FBXO11: variants seen among roughly 807,000 people sequenced by gnomAD.
The protein encoded by FBXO11 is F-box protein 11.
In FBXO11, 13 loss-of-function variants were observed where a neutral mutation model predicts 117.0. The observed-to-expected ratio is 0.11, with a 90% CI of 0.07 to 0.18. The LOEUF (loss-of-function observed/expected upper bound fraction) is 0.18, where lower values mean the gene tolerates loss of function less well. FBXO11 is among the 10% of genes least tolerant of loss of function. FBXO11 has a pLI of 1.00. For missense variants in FBXO11, 767 were observed against 1,164.4 expected (o/e 0.66, Z 4.97); for synonymous variants, 490 against 380.5 (o/e 1.29, Z -3.35).
intron 1 of FBXO11, among the ~76,000 whole-genome samples, chr2:47,899,065 G>C (rs541170578): frequency 6.6e-6 from 1 of 152,024 alleles, no homozygotes; most frequent in Non-Finnish European, 1.5e-5. Flanking sequence ...ACGAGGTCAG[G>C]AGATCGAGAC....
intron 1 of FBXO11, among the ~76,000 whole-genome samples, chr2:47,870,130 C>T (rs182722469): frequency 2.4e-3 from 370 of 152,344 alleles, no homozygotes; most frequent in Non-Finnish European, 4.8e-3. Context: ...TTCATCTGTA[C>T]CATCAGCTCT....
At chr2:47,889,217 T>C (rs1677087149) in intron 1 of FBXO11, among the ~76,000 whole-genome samples, 1 of 152,234 alleles carries the variant, frequency 6.6e-6, no homozygotes. Context: ...TCCGGTTATG[T>C]TGCTTTTCTT....
At chr2:47,857,874 A>G (rs1674433695) in intron 1 of FBXO11, among the ~76,000 whole-genome samples, 1 of 152,178 alleles carries the variant, frequency 6.6e-6, no homozygotes, top group Non-Finnish European at 1.5e-5. Flanking sequence ...GAAATACAAG[A>G]ATCATAAGGC....
chr2:47,862,329 A>G (rs1158131772), intron 1 of FBXO11, among the ~76,000 whole-genome samples: 5 of 152,248 alleles, frequency 3.3e-5, no homozygotes, highest in African/African-American at 7.2e-5. Context: ...CAGGGTTGAA[A>G]GCCATTGGGA....
At chr2:47,829,486 C>T (rs1378378224) in intron 11 of FBXO11, among the ~76,000 whole-genome samples, 1 of 152,038 alleles carries the variant, frequency 6.6e-6, no homozygotes, top group Non-Finnish European at 1.5e-5. Flanking sequence ...GGTGATCTGC[C>T]TGCTCGGCCT....
chr2:47,887,810 G>A (rs1676975598), intron 1 of FBXO11, among the ~76,000 whole-genome samples: 1 of 152,128 alleles, frequency 6.6e-6, no homozygotes, highest in Non-Finnish European at 1.5e-5. Flanking sequence ...GCAATGAGCC[G>A]AGATTGTGCT....
At position 47,832,482 on chromosome 2, in the gene FBXO11, A is replaced by G. The variant is rs748431980; in HGVS notation, c.1265T>C (p.Ile422Thr). 5.6e-6 allele frequency: 9 copies of G among 1,612,898 alleles called. No homozygotes were observed. Among genetic ancestry groups the G allele is most frequent in the Non-Finnish European group, 7.6e-6 (9 of 1,179,560 alleles). Residue 422 changes from isoleucine to threonine, a missense_variant, in exon 11 of 23, where the codon ATA becomes ACA. Ile to Thr is a moderately conservative substitution (Grantham distance 89). Around this residue, in one of 10 missense-constraint regions of FBXO11, gnomAD observed 33 missense variants for 66.1 expected, o/e 0.50. Transcript: ENST00000403359. ...ATTGGAAATTTCATTATCCTCATAT[A>G]TTCCCTACAACAAGTTATCAGAAAC... ...GLYITDHAQGIYEDNEISNNA... is the reference protein window; with the variant it reads ...GLYITDHAQGTYEDNEISNNA...
At chr2:47,898,208 C>G (rs1262541149) in intron 1 of FBXO11, among the ~76,000 whole-genome samples, 1 of 152,148 alleles carries the variant, frequency 6.6e-6, no homozygotes, top group Admixed American at 6.5e-5. Flanking sequence ...CATTCATTTT[C>G]AAAGGAAAAT....
At chr2:47,904,872 A>G (rs930256211) in intron 1 of FBXO11, among the ~76,000 whole-genome samples, 1 of 152,074 alleles carries the variant, frequency 6.6e-6, no homozygotes, top group Non-Finnish European at 1.5e-5. Flanking sequence ...ACTGCGCAGC[A>G]AACACTGTGG....
At chr2:47,817,912 C>T (rs1671118704) in intron 16 of FBXO11, among the ~76,000 whole-genome samples, 1 of 152,216 alleles carries the variant, frequency 6.6e-6, no homozygotes, top group African/African-American at 2.4e-5. Flanking sequence ...CTTTGGGAGG[C>T]TGAGGCGGGT....
chr2:47,818,515 A>T (rs1367155349), intron 16 of FBXO11: 11 of 341,982 alleles, frequency 3.2e-5, no homozygotes, highest in Non-Finnish European at 4.2e-5. Flanking sequence ...ATGAAGGATC[A>T]TATTGGCAGC....
At chr2:47,852,495 C>A (rs765230275) in intron 1 of FBXO11, among the ~76,000 whole-genome samples, 13 of 152,138 alleles carry the variant, frequency 8.5e-5, no homozygotes, top group Admixed American at 4.6e-4. Flanking sequence ...ACAGGCAGTT[C>A]AGGCCATTAA....
intron 1 of FBXO11, among the ~76,000 whole-genome samples, chr2:47,859,281 T>A (rs1169785868): frequency 6.6e-6 from 1 of 151,762 alleles, no homozygotes; most frequent in East Asian, 1.9e-4. Context: ...TCATCCAGAG[T>A]TCAAAATATT....
chr2:47,900,792 A>G (rs1210318505), intron 1 of FBXO11, among the ~76,000 whole-genome samples: 1 of 87,154 alleles, frequency 1.1e-5, no homozygotes, highest in Non-Finnish European at 2.6e-5. Flanking sequence ...ACACACGTGT[A>G]TATATATACA....
intron 16 of FBXO11, 44 bp downstream of exon 16, chr2:47,818,735 T>TC: frequency 7.1e-7 from 1 of 1,415,316 alleles, no homozygotes; most frequent in Non-Finnish European, 9.7e-7. Context: ...CCCCACATAC[T>TC]CCTAACTCCC....
At chr2:47,883,413 A>G (rs1478274651) in intron 1 of FBXO11, 2 of 354,740 alleles carry the variant, frequency 5.6e-6, no homozygotes, top group East Asian at 1.5e-4. Flanking sequence ...CCCTAATCTA[A>G]CTCATCTCTT....
chr2:47,851,279 T>A (rs1572844924), intron 1 of FBXO11, among the ~76,000 whole-genome samples: 1 of 152,152 alleles, frequency 6.6e-6, no homozygotes, highest in Non-Finnish European at 1.5e-5. Flanking sequence ...CAGGCTGGAG[T>A]GCAGTGGTGT....
intron 1 of FBXO11, among the ~76,000 whole-genome samples, chr2:47,846,393 G>T (rs552260065): frequency 4.4e-4 from 67 of 152,282 alleles, no homozygotes; most frequent in Non-Finnish European, 7.5e-4. Context: ...CTTGAACCTG[G>T]AAGAAGGCGG....
At chr2:47,869,448 A>G (rs1170154921) in intron 1 of FBXO11, among the ~76,000 whole-genome samples, 1 of 152,210 alleles carries the variant, frequency 6.6e-6, no homozygotes, top group Non-Finnish European at 1.5e-5. Flanking sequence ...GAAAAGTTAT[A>G]TCTGAAATAC....
Sources: gnomAD v4.1 joint callset for allele counts (sites outside exome capture counted in the v4.1 genomes callset) on GRCh38, gnomAD v4.1.1 for gene constraint, gnomAD v4.1.1 regional missense constraint, MANE v1.5 for transcripts, NCBI Gene and HGNC (gene_info 2026-07-23, HGNC 2026-07-21) for gene names.